The following SIGLEC12 variants were observed in gnomAD, a reference collection of about 807,000 sequenced individuals.
SIGLEC12 encodes sialic acid-binding Ig-like lectin 12.
Under a neutral mutation model 54.1 loss-of-function variants are expected in SIGLEC12, and 43 were observed. That is an observed-to-expected ratio of 0.80 (90% CI 0.62 to 1.03). The LOEUF is 1.03. Ranked by LOEUF, SIGLEC12 falls within the 50% of genes least tolerant of loss-of-function variation. The pLI, the probability that SIGLEC12 is intolerant of heterozygous loss-of-function variation, is 0.00. For synonymous variants in SIGLEC12, 357 were observed against 307.6 expected (o/e 1.16, Z -1.68); for missense variants, 802 against 735.2 (o/e 1.09, Z -1.05).
chr19:51,492,134 C>T (rs1990121781), intron 7 of SIGLEC12, among the ~76,000 whole-genome samples: 1 of 152,088 alleles, frequency 6.6e-6, no homozygotes, highest in African/African-American at 2.4e-5. Context: ...ATACCGGGAC[C>T]CAATCCAGTC....
Position 51,501,425 on chromosome 19 carries a change from A to G in SIGLEC12, c.309T>C (p.Asp103=). ...TGGTGTCTCTGATGCTCAGGGTACA[A>G]TCCTTGTTCTGTGGGTCCCCAAGGA... is the stretch of plus-strand genomic sequence containing the variant. ...FHLLGDPQNK[D]CTLSIRDTRE... The change falls in exon 1 of 8, where the codon GAT becomes GAC. Residue 103 remains aspartate, a synonymous_variant. Transcript: ENST00000291707. 4 of 1,614,130 alleles carry G rather than the reference A, an allele frequency of 2.5e-6. No homozygotes were observed. Among genetic ancestry groups the G allele is most frequent in the Non-Finnish European group, 2.5e-6 (3 of 1,180,010 alleles).
chr19:51,497,925 A>T (rs1990283729), intron 5 of SIGLEC12, 93 bp downstream of exon 5: 13 of 1,533,762 alleles, frequency 8.5e-6, no homozygotes, highest in Non-Finnish European at 1.2e-5. Flanking sequence ...GAGGACTGTG[A>T]TGCTGTGGGT....
In SIGLEC12 at chr19:51,491,494, G is replaced by T; in HGVS notation, c.*147C>A. ...GGAGAAAGGGAGAGTTTGGTCATCA[G>T]GCACGCATTTTCAGTTTGACAAGAG... On this transcript the variant is annotated 3_prime_UTR_variant, in exon 8 of 8. Transcript: ENST00000291707. 1.3e-6 allele frequency: 1 copy of T among 761,784 alleles called. No homozygotes were observed. Among genetic ancestry groups the T allele is most frequent in the Non-Finnish European group, 2.1e-6 (1 of 468,986 alleles). 47.2% of individuals were successfully genotyped at this position (761,784 alleles called of 1,614,324 possible).
intron 5 of SIGLEC12, 36 bp downstream of exon 5, chr19:51,497,982 T>C: frequency 6.2e-7 from 1 of 1,611,078 alleles, no homozygotes. Flanking sequence ...GGGTGGGACA[T>C]GTGTGTTCTC....
Position 51,491,453 on chromosome 19 carries a change from T to G in SIGLEC12, c.*188A>C. On this transcript the variant is annotated 3_prime_UTR_variant, in exon 8 of 8. Coordinates refer to ENST00000291707, the MANE Select transcript of SIGLEC12 (RefSeq NM_053003.4). ...GGTACCAGAGGCCGGGGGCGGGGAG[T>G]GTGGACCGATTGGATGGAGAAAGGG... 9 of 571,060 alleles carry G rather than the reference T, an allele frequency of 1.6e-5. No individual in the cohort carries two copies. Among genetic ancestry groups the G allele is most frequent in the Admixed American group, 3.1e-5 (1 of 32,070 alleles). The allele number at this position is 571,060 out of a possible 1,614,324, so 35.4% of individuals were successfully genotyped here. A position where few individuals can be genotyped will look rare whatever the true frequency, so the allele number is the denominator to read the frequency against.
Position 51,495,440 on chromosome 19 carries a change from G to T in SIGLEC12, c.1599+1440C>A, listed in dbSNP as rs370821361. Among the ~76,000 whole-genome samples, 39 of 149,406 alleles carry T rather than the reference G, an allele frequency of 2.6e-4. No homozygotes were observed. The East Asian group carries it at 5.6e-3, about 22-fold the overall frequency. ...GGATGGATGGATGGATGGATGGATG[G>T]ATGGACTGACGGGTGGGTGGGTGGT... On this transcript the variant is annotated intron_variant, in intron 7 of 7. Transcript: ENST00000291707.
Position 51,498,007 on chromosome 19 carries a change from C to A in SIGLEC12, c.1405+11G>T, listed in dbSNP as rs1346935893. The A allele has an allele frequency of 6.2e-7, 1 of 1,613,888 alleles. No individual in the cohort carries two copies. Among genetic ancestry groups the A allele is most frequent in the East Asian group, 2.2e-5 (1 of 44,900 alleles). On this transcript the variant is annotated intron_variant, in intron 5 of 7. Coordinates refer to ENST00000291707, the MANE Select transcript of SIGLEC12 (RefSeq NM_053003.4). ...TGTGTGTTCTCCTCCTCCAGACCCT[C>A]CCCTACCCACCTGTGTACTCGTTTT...
chr19:51,493,089 A>G (rs1259139013), intron 7 of SIGLEC12, among the ~76,000 whole-genome samples: 1 of 152,180 alleles, frequency 6.6e-6, no homozygotes, highest in Non-Finnish European at 1.5e-5. Flanking sequence ...TCAAATTAAC[A>G]TTCACACACA....
chr19:51,496,805 T>C, intron 7 of SIGLEC12, 75 bp downstream of exon 7: 5 of 1,515,552 alleles, frequency 3.3e-6, no homozygotes, highest in Non-Finnish European at 4.6e-6. Flanking sequence ...GGAAGGACAG[T>C]GAGGAAGTAA....
Position 51,491,427 on chromosome 19 carries a change from G to T in SIGLEC12, c.*214C>A. ...TCAGAGAAGTAGAGAAGAGAATGGT[G>T]GGTACCAGAGGCCGGGGGCGGGGAG... On this transcript the variant is annotated 3_prime_UTR_variant, in exon 8 of 8. Transcript: ENST00000291707. The T allele has an allele frequency of 1.8e-6, 1 of 548,690 alleles. No individual in the cohort carries two copies. The highest frequency in any genetic ancestry group is 3.2e-6 in the Non-Finnish European group (1 of 308,320). 34.0% of individuals were successfully genotyped at this position (548,690 alleles called of 1,614,324 possible).
chr19:51,497,374 G>A lies in SIGLEC12; in HGVS notation c.1477C>T (p.Leu493=), dbSNP rs764034997. The change falls in exon 6 of 8, where the codon CTG becomes TTG. Residue 493 remains leucine, a synonymous_variant. Transcript: ENST00000291707. ...GGAGATALVF[L]YFCIIFVVVR... Reference sequence around the variant, plus strand: ...ACAACGAAGATGATGCAGAAGTACAGGAAGACCAGGGCTGTGGCTCCAGCT... The same window carrying A: ...ACAACGAAGATGATGCAGAAGTACAAGAAGACCAGGGCTGTGGCTCCAGCT... 2.5e-6 allele frequency: 4 copies of A among 1,613,198 alleles called. No homozygotes were observed. The highest frequency in any genetic ancestry group is 3.4e-6 in the Non-Finnish European group (4 of 1,179,292).
intron 7 of SIGLEC12, among the ~76,000 whole-genome samples, chr19:51,493,310 A>G (rs918154592): frequency 6.6e-6 from 1 of 152,120 alleles, no homozygotes; most frequent in Non-Finnish European, 1.5e-5. Context: ...CTTTTGCTAG[A>G]TGCTCCACAT....
At chr19:51,501,204 T>G in intron 1 of SIGLEC12, 103 bp downstream of exon 1, 2 of 1,252,036 alleles carry the variant, frequency 1.6e-6, no homozygotes, top group Non-Finnish European at 2.3e-6. Context: ...CTCCCCTGAG[T>G]CCATCACCCC....
At chr19:51,496,017 T>C (rs75743900) in intron 7 of SIGLEC12, among the ~76,000 whole-genome samples, 4,481 of 152,252 alleles carry the variant, frequency 0.029, 108 homozygotes, top group South Asian at 0.12. Flanking sequence ...TGATGGAGCA[T>C]GGAGCAGAGG....
chr19:51,491,672 T>C lies in SIGLEC12; in HGVS notation c.1757A>G (p.Tyr586Cys), dbSNP rs7245807. The change falls in exon 8 of 8, where the codon TAT becomes TGT. Residue 586 changes from tyrosine to cysteine, a missense_variant. Tyr to Cys is a radical substitution (Grantham distance 194, BLOSUM62 -2). Transcript: ENST00000291707. ...QYPQEQEAIG[Y>C]EYSEINIPK ...GGGGATGTTGATCTCGGAGTACTCA[T>C]AGCCGATGGCCTCCTGTTCCTGTGG... 12,583 of 1,613,904 alleles carry C rather than the reference T, an allele frequency of 7.8e-3. 660 individuals carry two copies. The African/African-American group carries it at 0.13, about 16-fold the overall frequency.
intron 7 of SIGLEC12, among the ~76,000 whole-genome samples, chr19:51,496,195 C>T (rs180873547): frequency 5.9e-5 from 9 of 152,198 alleles, no homozygotes; most frequent in Admixed American, 2.6e-4. Context: ...AAAGCCTGGG[C>T]GCGGTGGCTC....
At chr19:51,497,181 G>A (rs1486896276) in intron 6 of SIGLEC12, among the ~76,000 whole-genome samples, 168 bp downstream of exon 6, 1 of 152,148 alleles carries the variant, frequency 6.6e-6, no homozygotes, top group Non-Finnish European at 1.5e-5. Context: ...CAGACATGGA[G>A]CTCCACAAAC....
In SIGLEC12 at chr19:51,501,571, C is replaced by A; in HGVS notation, c.163G>T (p.Ala55Ser). The A allele has an allele frequency of 1.2e-6, 2 of 1,613,928 alleles. No individual in the cohort carries two copies. Among genetic ancestry groups the A allele is most frequent in the Middle Eastern group, 1.6e-4 (1 of 6,062 alleles). The change falls in exon 1 of 8, where the codon GCC becomes TCC. Residue 55 changes from alanine (A) to serine (S), a missense_variant. Transcript: ENST00000291707. ...SFSYPQNGWT[A>S]SDPVHGYWFR... The stretch of plus-strand genomic sequence containing the variant: ...CAGTAGCCATGAACTGGATCGGAGG[C>A]AGTCCAGCCATTTTGGGGGTAGGAG...
Position 51,498,212 on chromosome 19 carries a change from T to C in SIGLEC12, c.1211A>G (p.Asp404Gly), listed in dbSNP as rs958462963. Residue 404 changes from aspartate to glycine, a missense_variant, in exon 5 of 8, where the codon GAC (aspartate) becomes GGC (glycine). Asp to Gly is a moderately conservative substitution (Grantham distance 94). Transcript: ENST00000291707. Reference sequence around the variant, plus strand: ...GCTCAGCCTGGCAGGGGGATTGCTGTCGACAGCACAGACAAGGTGCAGGGA... The same window carrying C: ...GCTCAGCCTGGCAGGGGGATTGCTGCCGACAGCACAGACAAGGTGCAGGGA... ...GQSLHLVCAV[D>G]SNPPARLSWT... 1.2e-6 allele frequency: 2 copies of C among 1,614,102 alleles called. No individual in the cohort carries two copies. Among genetic ancestry groups the C allele is most frequent in the African/African-American group, 1.3e-5 (1 of 75,026 alleles).
Sources: allele counts gnomAD v4.1 joint callset (sites outside exome capture counted in the v4.1 genomes callset), GRCh38; gene constraint gnomAD v4.1.1; transcripts MANE v1.5; gene names NCBI Gene and HGNC (gene_info 2026-07-23, HGNC 2026-07-21).